The following PDE1C variants were observed in gnomAD, a reference collection of about 807,000 sequenced individuals.
PDE1C encodes the protein phosphodiesterase 1C.
A neutral mutation model predicts 93.1 loss-of-function variants in PDE1C; 62 were observed. That is an observed-to-expected ratio of 0.67 (90% CI 0.54 to 0.82). The LOEUF (loss-of-function observed/expected upper bound fraction) is 0.82. PDE1C is among the 40% of genes least tolerant of loss of function. The pLI is 0.00. For synonymous variants in PDE1C, 325 were observed against 310.1 expected, an observed-to-expected ratio of 1.05 and a Z score of -0.50; for missense variants, 742 against 884.6, an observed-to-expected ratio of 0.84 and a Z score of 2.04.
At chr7:31,891,897 G>A (rs960075350) in intron 2 of PDE1C, among the ~76,000 whole-genome samples, 2 of 151,998 alleles carry the variant, frequency 1.3e-5, no homozygotes, top group Non-Finnish European at 2.9e-5. Flanking sequence ...GCTAATATCA[G>A]TATCTTGGGT....
At chr7:32,052,675 T>C (rs1793552125) in intron 1 of PDE1C, among the ~76,000 whole-genome samples, 1 of 152,204 alleles carries the variant, frequency 6.6e-6, no homozygotes, top group African/African-American at 2.4e-5. Context: ...TATTTCTTTG[T>C]AAACTAAAGA....
the PDE1C span, chr7:31,695,686 G>T: frequency 1.3e-6 from 2 of 1,482,094 alleles, no homozygotes; most frequent in Admixed American, 2.2e-5. Context: ...TGCATTGTTC[G>T]TACACATTTT....
At chr7:32,047,731 G>T (rs1792798526) in intron 2 of PDE1C, among the ~76,000 whole-genome samples, 1 of 151,868 alleles carries the variant, frequency 6.6e-6, no homozygotes, top group Non-Finnish European at 1.5e-5. Context: ...CTTTAACAAG[G>T]TTTTGATAGG....
rs925866633 is a variant in PDE1C at position 32,171,832 on chromosome 7, G to T, written c.137-1876C>A. Among the ~76,000 whole-genome samples, 4 of 148,242 alleles carry T rather than the reference G, an allele frequency of 2.7e-5. No individual in the cohort carries two copies. The East Asian group carries it at 7.9e-4, about 29-fold the overall frequency. ...ATAGAGGGACTAGCATATAAGGAAA[G>T]TCTGAAAAACTGTCACAGCCAAGAG... On this transcript the variant is annotated intron_variant, in intron 2 of 18. Transcript: ENST00000396193.
At chr7:31,919,105 C>T (rs1802295353) in intron 2 of PDE1C, among the ~76,000 whole-genome samples, 1 of 152,140 alleles carries the variant, frequency 6.6e-6, no homozygotes, top group Admixed American at 6.5e-5. Context: ...TGTTTACTAA[C>T]TTGTCAAGAT....
At chr7:32,021,337 A>G (rs1788642052) in intron 2 of PDE1C, among the ~76,000 whole-genome samples, 1 of 152,112 alleles carries the variant, frequency 6.6e-6, no homozygotes, top group African/African-American at 2.4e-5. Flanking sequence ...ACAGCTTTGT[A>G]AACTTTTATC....
intron 2 of PDE1C, among the ~76,000 whole-genome samples, chr7:32,186,276 G>T (rs569194820): frequency 6.6e-6 from 1 of 151,266 alleles, no homozygotes; most frequent in Admixed American, 6.6e-5. Context: ...CTAATTTTTT[G>T]TATTTTTAGT....
At chr7:32,099,303 T>C (rs1797926738) in intron 3 of PDE1C, among the ~76,000 whole-genome samples, 1 of 152,194 alleles carries the variant, frequency 6.6e-6, no homozygotes, top group Admixed American at 6.5e-5. Flanking sequence ...CAGGAGTAAA[T>C]GTTATCTTTG....
rs201404948 is a variant in PDE1C at position 31,864,924 on chromosome 7, G to T, written c.750+18C>A. On this transcript the variant is annotated intron_variant, in intron 7 of 17. Coordinates refer to ENST00000396191, the MANE Select transcript of PDE1C (RefSeq NM_001191057.4). ...CTTACATCTTTTGGGGAACCTAAGA[G>T]TTCCTATCCCTACTTACCGCCACTC... 4.3e-6 allele frequency: 7 copies of T among 1,611,078 alleles called. No homozygotes were observed. The highest frequency in any genetic ancestry group is 8.5e-7 in the Non-Finnish European group (1 of 1,177,598).
At chr7:31,883,333 T>G (rs186820541) in intron 2 of PDE1C, among the ~76,000 whole-genome samples, 3 of 152,192 alleles carry the variant, frequency 2.0e-5, no homozygotes, top group Non-Finnish European at 4.4e-5. Flanking sequence ...TCCAGTTAAA[T>G]GGATTGTTGA....
the PDE1C span, chr7:31,643,294 T>C: frequency 1.1e-4 from 175 of 1,613,770 alleles, no homozygotes; most frequent in African/African-American, 2.0e-3. Flanking sequence ...CTCATCACAG[T>C]GTATCCCCAA....
At chr7:32,098,841 A>G (rs965652644) in intron 3 of PDE1C, among the ~76,000 whole-genome samples, 3 of 152,182 alleles carry the variant, frequency 2.0e-5, no homozygotes, top group African/African-American at 7.2e-5. Context: ...AATGCTGAGG[A>G]TTCACAGGGA....
intron 2 of PDE1C, among the ~76,000 whole-genome samples, chr7:31,926,625 C>T (rs1803418893): frequency 1.3e-5 from 2 of 152,278 alleles, no homozygotes; most frequent in East Asian, 3.9e-4. Context: ...ACAGCGGGTG[C>T]AGCCCATAGT....
intron 2 of PDE1C, among the ~76,000 whole-genome samples, chr7:32,015,419 C>G (rs1304814492): frequency 6.6e-6 from 1 of 152,110 alleles, no homozygotes; most frequent in African/African-American, 2.4e-5. Flanking sequence ...TAAGCTGATG[C>G]TTTATTTCCC....
At chr7:31,655,714 G>A in the PDE1C span, 12 of 985,700 alleles carry the variant, frequency 1.2e-5, 1 homozygote, top group African/African-American at 1.6e-4. Context: ...ATTGACTCCT[G>A]ATGCATTGCA....
At chr7:32,300,978 T>C (rs1182856869), upstream of PDE1C, among the ~76,000 whole-genome samples, 4 of 151,852 alleles carry the variant, frequency 2.6e-5, no homozygotes, top group Non-Finnish European at 5.9e-5. Flanking sequence ...GCAGGGTCTA[T>C]AGATACACGC....
At chr7:31,965,642 A>G (rs1023277182) in intron 2 of PDE1C, among the ~76,000 whole-genome samples, 2 of 152,204 alleles carry the variant, frequency 1.3e-5, no homozygotes, top group African/African-American at 4.8e-5. Flanking sequence ...GAGCAATTCC[A>G]AGACACATAA....
At chr7:31,808,953 A>C in intron 16 of PDE1C, 78 bp downstream of exon 16, 1 of 806,144 alleles carries the variant, frequency 1.2e-6, no homozygotes, top group South Asian at 1.5e-5. Flanking sequence ...CCACTATTTC[A>C]ATTTTGGGTA....
intron 1 of PDE1C, among the ~76,000 whole-genome samples, chr7:32,220,324 T>G (rs1446519362): frequency 1.3e-5 from 2 of 152,222 alleles, no homozygotes; most frequent in African/African-American, 4.8e-5. Flanking sequence ...GCCCATAATT[T>G]TTATTCAATT....
Sources: allele counts gnomAD v4.1 joint callset (sites outside exome capture counted in the v4.1 genomes callset), GRCh38; gene constraint gnomAD v4.1.1; transcripts MANE v1.5; gene names NCBI Gene and HGNC (gene_info 2026-07-23, HGNC 2026-07-21).